The following TEC variants were observed in gnomAD, a reference collection of about 807,000 sequenced individuals.
TEC encodes tec protein tyrosine kinase.
A neutral mutation model predicts 93.0 loss-of-function variants in TEC; 72 were observed. The ratio of observed to expected loss-of-function variants is 0.77; its 90% CI spans 0.64 to 0.94. The LOEUF (loss-of-function observed/expected upper bound fraction) is 0.94. TEC is among the 40% of genes least tolerant of loss of function. The pLI is 0.00. For synonymous variants in TEC, 249 were observed against 247.7 expected, an observed-to-expected ratio of 1.01 and a Z score of -0.05; for missense variants, 630 against 757.9, an observed-to-expected ratio of 0.83 and a Z score of 1.98.
intron 11 of TEC, among the ~76,000 whole-genome samples, chr4:48,147,400 C>T (rs891632943): frequency 6.6e-6 from 1 of 152,116 alleles, no homozygotes. Flanking sequence ...TAATAAAATC[C>T]ATACAATGAA....
chr4:48,184,204 A>T (rs890297588), intron 2 of TEC, among the ~76,000 whole-genome samples: 3 of 152,242 alleles, frequency 2.0e-5, no homozygotes, highest in African/African-American at 7.2e-5. Context: ...AAATCAATAC[A>T]TAGAGAGTAT....
chr4:48,209,191 A>AT (rs1010455387), intron 2 of TEC, among the ~76,000 whole-genome samples: 3 of 152,044 alleles, frequency 2.0e-5, no homozygotes, highest in Non-Finnish European at 2.9e-5. Context: ...ATACCTTTTA[A>AT]TTTTTTTTAA....
At chr4:48,191,983 A>T (rs1722108800) in intron 2 of TEC, among the ~76,000 whole-genome samples, 1 of 152,222 alleles carries the variant, frequency 6.6e-6, no homozygotes, top group South Asian at 2.1e-4. Context: ...ATATTTGCTC[A>T]GTATATACTA....
intron 15 of TEC, among the ~76,000 whole-genome samples, chr4:48,139,374 T>A (rs569005582): frequency 6.6e-6 from 1 of 152,180 alleles, no homozygotes; most frequent in Non-Finnish European, 1.5e-5. Context: ...AAAGGCCCCA[T>A]ATGTAAAAAA....
At chr4:48,196,138 T>C (rs983685555) in intron 2 of TEC, among the ~76,000 whole-genome samples, 1 of 152,114 alleles carries the variant, frequency 6.6e-6, no homozygotes, top group Non-Finnish European at 1.5e-5. Context: ...TTCCTTCTGA[T>C]TGTGTCTGTG....
chr4:48,255,194 G>C (rs987166151), intron 1 of TEC, among the ~76,000 whole-genome samples: 1 of 152,184 alleles, frequency 6.6e-6, no homozygotes, highest in Non-Finnish European at 1.5e-5. Context: ...CCACCGTGCA[G>C]TGCTGCTTCT....
intron 1 of TEC, among the ~76,000 whole-genome samples, chr4:48,258,423 G>C (rs1724402796): frequency 6.6e-6 from 1 of 152,090 alleles, no homozygotes; most frequent in Non-Finnish European, 1.5e-5. Flanking sequence ...GATAACAAGA[G>C]AGCCACTAAG....
Position 48,150,950 on chromosome 4 carries a change from C to T in TEC, c.793-8G>A, listed in dbSNP as rs767848995. 8.3e-6 allele frequency: 13 copies of T among 1,568,674 alleles called. No homozygotes were observed. Among genetic ancestry groups the T allele is most frequent in the South Asian group, 2.5e-5 (2 of 81,250 alleles). On this transcript the variant is annotated splice_region_variant and splice_polypyrimidine_tract_variant and intron_variant, in intron 9 of 17. Transcript: ENST00000381501. Reference sequence around the variant, plus strand: ...AAAACCACCTTCTTTATCCTAAAATCCAAGTTCAGAAAAAATTTTTTTTAC... The same window carrying T: ...AAAACCACCTTCTTTATCCTAAAATTCAAGTTCAGAAAAAATTTTTTTTAC...
intron 15 of TEC, among the ~76,000 whole-genome samples, 180 bp from the exon 16 acceptor site, chr4:48,139,202 CTTAAT>C (rs1396378780): frequency 6.6e-6 from 1 of 152,232 alleles, no homozygotes; most frequent in Non-Finnish European, 1.5e-5. Flanking sequence ...TTCCTCTCAG[CTTAAT>C]TTAAGTGCAT....
At chr4:48,201,991 C>G (rs1247462858) in intron 2 of TEC, among the ~76,000 whole-genome samples, 2 of 135,558 alleles carry the variant, frequency 1.5e-5, no homozygotes, top group Admixed American at 8.0e-5. Context: ...GAGTCTCGCT[C>G]TGTCGCCCAG....
At position 48,149,588 on chromosome 4, in the gene TEC, C is replaced by G. The variant is rs1309161559; in HGVS notation, c.975G>C (p.Glu325Asp). 4 of 1,611,642 alleles carry G rather than the reference C, an allele frequency of 2.5e-6. No homozygotes were observed. The highest frequency in any genetic ancestry group is 3.4e-6 in the Non-Finnish European group (4 of 1,179,192). ...AEKHAFGSIP[E>D]IIEYHKHNAA... ...CATTGTGCTTATGATATTCAATAAT[C>G]TCAGGAATGGAGCCAAAAGCATGTT... The change falls in exon 11 of 18, where the codon GAG becomes GAC. Residue 325 changes from glutamate (E) to aspartate (D), a missense_variant. By Grantham distance (45) the Glu-to-Asp change is conservative (BLOSUM62 2). Transcript: ENST00000381501.
In TEC at chr4:48,145,299, G is replaced by A. The variant is rs1381911283; in HGVS notation, c.1254-4C>T. 9 of 1,613,986 alleles carry A rather than the reference G, an allele frequency of 5.6e-6. No homozygotes were observed. In the South Asian group the frequency reaches 6.6e-5, roughly 12 times the overall value. On this transcript the variant is annotated splice_region_variant and splice_polypyrimidine_tract_variant and intron_variant, in intron 13 of 17. Coordinates refer to ENST00000381501, the MANE Select transcript of TEC (RefSeq NM_003215.3). ...TAACTTCGGGTGTGTCAGTTTCCTG[G>A]GAAGGAAGACATATATATAGTTACT... is the stretch of plus-strand genomic sequence containing the variant.
At chr4:48,194,241 GTTC>G (rs1282112282) in intron 2 of TEC, among the ~76,000 whole-genome samples, 2 of 152,210 alleles carry the variant, frequency 1.3e-5, no homozygotes, top group Non-Finnish European at 2.9e-5. Flanking sequence ...TATCTAGCCA[GTTC>G]TTCTACAAAG....
At chr4:48,230,900 A>G (rs1022961882) in intron 1 of TEC, among the ~76,000 whole-genome samples, 1 of 152,240 alleles carries the variant, frequency 6.6e-6, no homozygotes, top group Non-Finnish European at 1.5e-5. Context: ...CCTATTAATT[A>G]AAAGCCTTCC....
intron 2 of TEC, among the ~76,000 whole-genome samples, chr4:48,201,567 A>T (rs1463321853): frequency 1.3e-5 from 2 of 152,144 alleles, no homozygotes; most frequent in Admixed American, 6.5e-5. Context: ...TCACAAGAAG[A>T]GATACACACT....
chr4:48,144,462 GAGAAGAAAAAC>G (rs1031748357), intron 14 of TEC, among the ~76,000 whole-genome samples: 3 of 152,118 alleles, frequency 2.0e-5, no homozygotes, highest in Non-Finnish European at 4.4e-5. Context: ...AGAACAGGTA[GAGAAGAAAAAC>G]AGAAGGAAAA....
intron 2 of TEC, among the ~76,000 whole-genome samples, chr4:48,199,259 C>T (rs1411387919): frequency 6.6e-6 from 1 of 152,128 alleles, no homozygotes; most frequent in African/African-American, 2.4e-5. Context: ...ATTTACTTCT[C>T]TAACCCCAAC....
At chr4:48,239,720 ACATT>A (rs1723875165) in intron 1 of TEC, among the ~76,000 whole-genome samples, 1 of 152,174 alleles carries the variant, frequency 6.6e-6, no homozygotes, top group African/African-American at 2.4e-5. Context: ...AGTCATTAGT[ACATT>A]CAATTTTTTT....
At chr4:48,138,547 G>C in intron 17 of TEC, 118 bp downstream of exon 17, 1 of 1,211,710 alleles carries the variant, frequency 8.3e-7, no homozygotes, top group South Asian at 1.6e-5. Flanking sequence ...TTCCTACCTA[G>C]AGCTTGAAAT....
Sources: allele counts gnomAD v4.1 joint callset (sites outside exome capture counted in the v4.1 genomes callset), GRCh38; gene constraint gnomAD v4.1.1; transcripts MANE v1.5; gene names NCBI Gene and HGNC (gene_info 2026-07-23, HGNC 2026-07-21).